Variants in NAPG observed in about 807,000 individuals in gnomAD.
The protein encoded by NAPG is NSF attachment protein gamma.
Under a neutral mutation model 48.4 loss-of-function variants are expected in NAPG, and 25 were observed. The observed-to-expected ratio is 0.52, with a 90% CI of 0.38 to 0.72. The LOEUF (loss-of-function observed/expected upper bound fraction) is 0.72, where lower values mean the gene tolerates loss of function less well. Among genes scored for constraint, NAPG ranks in the 30% least tolerant of loss-of-function variants. The pLI, the probability that NAPG is intolerant of heterozygous loss-of-function variation, is 0.00. For synonymous variants in NAPG, 139 were observed against 127.2 expected (o/e 1.09, Z -0.62); for missense variants, 359 against 372.5 (o/e 0.96, Z 0.30).
At chr18:10,536,980 A>G (rs2143111694) in intron 5 of NAPG, among the ~76,000 whole-genome samples, 1 of 149,724 alleles carries the variant, frequency 6.7e-6, no homozygotes, top group East Asian at 2.0e-4. Context: ...TTTTTGAGAC[A>G]GGATCTTGCT....
rs181963779 is a variant in NAPG at position 10,551,445 on chromosome 18, G to T, written c.*1225G>T. 2 of 152,140 alleles carry T rather than the reference G, an allele frequency of 1.3e-5. No individual in the cohort carries two copies. The highest frequency in any genetic ancestry group is 2.4e-5 in the African/African-American group (1 of 41,416). 9.4% of individuals were successfully genotyped at this position (152,140 alleles called of 1,614,324 possible). A position where few individuals can be genotyped will look rare whatever the true frequency, so the allele number is the denominator to read the frequency against. On this transcript the variant is annotated 3_prime_UTR_variant, in exon 12 of 12. Coordinates refer to ENST00000322897, the MANE Select transcript of NAPG (RefSeq NM_003826.3). ...TTAGAAAGACAATATTTAAAACACC[G>T]CACTGCCAATATATTGATCCTTTAT...
intron 1 of NAPG, among the ~76,000 whole-genome samples, chr18:10,528,215 AAAAG>A (rs1041071896): frequency 6.6e-5 from 10 of 151,426 alleles, no homozygotes; most frequent in Admixed American, 2.6e-4. Flanking sequence ...AAGGAAAAGA[AAAAG>A]AAATGTGGCA....
chr18:10,530,800 A>G lies in NAPG; in HGVS notation c.87A>G (p.Pro29=). 2 of 1,586,450 alleles carry G rather than the reference A, an allele frequency of 1.3e-6. No homozygotes were observed. The highest frequency in any genetic ancestry group is 8.6e-7 in the Non-Finnish European group (1 of 1,167,026). ...YLKTGFLKWK[P]DYDSAASEYG... is the part of the protein sequence containing the mutation. Reference sequence around the variant, plus strand: ...AAACTGGTTTTTTAAAATGGAAGCCAGATTATGACAGTGCCGCTTCTGAAT... The same window carrying G: ...AAACTGGTTTTTTAAAATGGAAGCCGGATTATGACAGTGCCGCTTCTGAAT... Residue 29 remains proline, a synonymous_variant, in exon 2 of 12, where the codon CCA becomes CCG. Transcript: ENST00000322897.
rs189121280 is a variant in NAPG, at chr18:10,548,310, T to C, written c.597T>C (p.Ala199=). ...CTCTTTTGTTTTAGAAAACAATTGC[T>C]CAAGTCTTAGTTCATCTACACAGAA... is the stretch of plus-strand genomic sequence containing the variant. ...NYPTCYKKTI[A]QVLVHLHRND... Residue 199 remains alanine, a synonymous_variant, in exon 10 of 12, where the codon GCT becomes GCC. Coordinates refer to ENST00000322897, the MANE Select transcript of NAPG (RefSeq NM_003826.3). The surrounding 1 kb of genome is among the most constrained non-coding windows in gnomAD (Gnocchi z 4.4). 1.9e-6 allele frequency: 3 copies of C among 1,612,906 alleles called. No individual in the cohort carries two copies. The highest frequency in any genetic ancestry group is 1.7e-5 in the Admixed American group (1 of 60,000).
chr18:10,540,094 T>A, intron 7 of NAPG, 40 bp downstream of exon 7: 2 of 1,452,272 alleles, frequency 1.4e-6, no homozygotes, highest in Non-Finnish European at 1.9e-6. Context: ...TTACTTAGAA[T>A]GTTTAGATTA....
chr18:10,528,651 A>G (rs1481399533), intron 1 of NAPG, among the ~76,000 whole-genome samples: 2 of 152,150 alleles, frequency 1.3e-5, no homozygotes, highest in Non-Finnish European at 2.9e-5. Flanking sequence ...AGGTGCCTGC[A>G]TGTAGAGATG....
chr18:10,549,000 T>C lies in NAPG; in HGVS notation c.699T>C (p.Ala233=). 1 of 1,613,936 alleles carries C rather than the reference T, an allele frequency of 6.2e-7. No individual in the cohort carries two copies. Among genetic ancestry groups the C allele is most frequent in the South Asian group, 1.1e-5 (1 of 91,078 alleles). ...IPGFNGSEDC[A]ALEQLLEGYD... The stretch of plus-strand genomic sequence containing the variant: ...GGTTCAATGGCAGTGAAGACTGTGC[T>C]GCCCTGGAACAGCTTCTTGAAGGTT... The change falls in exon 11 of 12, where the codon GCT becomes GCC. Residue 233 remains alanine (A), a synonymous_variant. Transcript: ENST00000322897. This position sits in a 1 kb window ranked among gnomAD's most constrained non-coding sequence, Gnocchi z 4.4.
rs1312800993 is a variant in NAPG, at chr18:10,534,769, C to G, written c.258+273C>G. 6.6e-6 allele frequency among the ~76,000 whole-genome samples: 1 copy of G among 152,124 alleles called. No homozygotes were observed. The highest frequency in any genetic ancestry group is 1.5e-5 in the Non-Finnish European group (1 of 68,012). On this transcript the variant is annotated intron_variant, in intron 5 of 11. Transcript: ENST00000322897. The surrounding 1 kb of genome is among the most constrained non-coding windows in gnomAD (Gnocchi z 5.0). ...CTATAACCAGGATAGATGTGTATTGCTATAAAAAGAGCTCTATGGGAAGTT... is the reference window on the plus strand; with the variant it reads ...CTATAACCAGGATAGATGTGTATTGGTATAAAAAGAGCTCTATGGGAAGTT...
chr18:10,545,806 A>G (rs1256100895), intron 8 of NAPG, among the ~76,000 whole-genome samples: 2 of 152,254 alleles, frequency 1.3e-5, no homozygotes, highest in Non-Finnish European at 2.9e-5. Context: ...CTGAAGATGC[A>G]GGAAGGCTTT....
intron 1 of NAPG, 82 bp downstream of exon 1, chr18:10,526,240 GGGAGGGA>G: frequency 7.5e-6 from 6 of 796,782 alleles, no homozygotes; most frequent in Non-Finnish European, 1.0e-5. Context: ...CGGGGGGGGC[GGGAGGGA>G]GGGCTCAGGG....
rs1343688949 is a variant in NAPG, at chr18:10,552,755, A to G, written c.*2535A>G. 6.6e-6 allele frequency: 1 copy of G among 152,188 alleles called. No homozygotes were observed. Among genetic ancestry groups the G allele is most frequent in the Non-Finnish European group, 1.5e-5 (1 of 68,030 alleles). 9.4% of individuals were successfully genotyped at this position (152,188 alleles called of 1,614,324 possible). ...GATAATTATGAAAATAAAACCTGAA[A>G]CTATATAAATATAATTGTTCTTTGT... is the stretch of plus-strand genomic sequence containing the variant. On this transcript the variant is annotated 3_prime_UTR_variant, in exon 12 of 12. Transcript: ENST00000322897.
At position 10,543,903 on chromosome 18, in the gene NAPG, G is replaced by C. The variant is rs951913741; in HGVS notation, c.507-2423G>C. Among the ~76,000 whole-genome samples, 10 of 151,992 alleles carry C rather than the reference G, an allele frequency of 6.6e-5. No individual in the cohort carries two copies. Among genetic ancestry groups the C allele is most frequent in the Non-Finnish European group, 1.2e-4 (8 of 67,996 alleles). Reference sequence around the variant, plus strand: ...TTTAGCAAAGTCGATCAACTTTTTCGACTACAAACTCATGTAAGGGCTTGG... The same window carrying C: ...TTTAGCAAAGTCGATCAACTTTTTCCACTACAAACTCATGTAAGGGCTTGG... On this transcript the variant is annotated intron_variant, in intron 8 of 11. Transcript: ENST00000322897. The surrounding 1 kb of genome is among the most constrained non-coding windows in gnomAD (Gnocchi z 4.4).
chr18:10,548,327 T>C lies in NAPG; in HGVS notation c.614T>C (p.Leu205Pro), dbSNP rs577374742. The C allele has an allele frequency of 6.2e-7, 1 of 1,613,770 alleles. No homozygotes were observed. The highest frequency in any genetic ancestry group is 1.3e-5 in the African/African-American group (1 of 75,064). ...KKTIAQVLVH[L>P]HRNDYVAAER... ...ACAATTGCTCAAGTCTTAGTTCATC[T>C]ACACAGAAATGACTATGTAGCTGCA... The change falls in exon 10 of 12, where the codon CTA (leucine) becomes CCA (proline). Residue 205 changes from leucine (L) to proline (P), a missense_variant. Coordinates refer to ENST00000322897, the MANE Select transcript of NAPG (RefSeq NM_003826.3). This position sits in a 1 kb window ranked among gnomAD's most constrained non-coding sequence, Gnocchi z 4.4.
Position 10,526,450 on chromosome 18 carries a change from T to G in NAPG, c.56+292T>G, listed in dbSNP as rs2031813324. 7.1e-6 allele frequency: 3 copies of G among 423,100 alleles called. No homozygotes were observed. The Admixed American group carries it at 1.2e-4, about 18-fold the overall frequency. 26.2% of individuals were successfully genotyped at this position (423,100 alleles called of 1,614,324 possible). A position where few individuals can be genotyped will look rare whatever the true frequency, so the allele number is the denominator to read the frequency against. The stretch of plus-strand genomic sequence containing the variant: ...TGCTGCGGGGCGAGGGCTTCTCTAC[T>G]TGGGCGCTCTGCTCCTGAAGATTGT... On this transcript the variant is annotated intron_variant, in intron 1 of 11. Coordinates refer to ENST00000322897, the MANE Select transcript of NAPG (RefSeq NM_003826.3).
rs1219648406 is a variant in NAPG, at chr18:10,544,186, C to G, written c.507-2140C>G. On this transcript the variant is annotated intron_variant, in intron 8 of 11. Transcript: ENST00000322897. The surrounding 1 kb of genome is among the most constrained non-coding windows in gnomAD (Gnocchi z 5.1). ...TGATACAGATACATGTAGCTGTAGT[C>G]CGCCTTGCATTAATTTTTTATTTCT... Among the ~76,000 whole-genome samples the G allele has an allele frequency of 6.6e-6, 1 of 152,208 alleles. No individual in the cohort carries two copies.
At chr18:10,530,915 A>G (rs907797435) in intron 2 of NAPG, 78 bp downstream of exon 2, 12 of 1,121,698 alleles carry the variant, frequency 1.1e-5, no homozygotes, top group Non-Finnish European at 1.3e-5. Context: ...CATAATACTT[A>G]CTCATATGCT....
chr18:10,526,145 A>G lies in NAPG; in HGVS notation c.43A>G (p.Lys15Glu). 6.2e-7 allele frequency: 1 copy of G among 1,613,572 alleles called. No individual in the cohort carries two copies. The highest frequency in any genetic ancestry group is 1.1e-5 in the South Asian group (1 of 91,074). ...AAACGAGGGGCTGGAACACCTCGCC[A>G]AAGCAGAGAAATAGTGAGTGAGAAC... ...KINEGLEHLAKAEKYLKTGFL... is the reference protein window; with the variant it reads ...KINEGLEHLAEAEKYLKTGFL... The change falls in exon 1 of 12, where the codon AAA becomes GAA. Residue 15 changes from lysine to glutamate, a missense_variant. By Grantham distance (56) the Lys-to-Glu change is moderately conservative. Coordinates refer to ENST00000322897, the MANE Select transcript of NAPG (RefSeq NM_003826.3).
Position 10,540,226 on chromosome 18 carries a change from C to T in NAPG, c.436-103C>T, listed in dbSNP as rs11664051. ...AATGAACTAGCAGCTTTCGTGTTCC[C>T]CCCTTGATCCAGTGCCATTACTTCT... On this transcript the variant is annotated intron_variant, in intron 7 of 11. Coordinates refer to ENST00000322897, the MANE Select transcript of NAPG (RefSeq NM_003826.3). 2,067 of 1,112,006 alleles carry T rather than the reference C, an allele frequency of 1.9e-3. 6 individuals are homozygous for T. The highest frequency in any genetic ancestry group is 2.5e-3 in the Non-Finnish European group (1,921 of 755,060). 68.9% of individuals were successfully genotyped at this position (1,112,006 alleles called of 1,614,324 possible). A position where few individuals can be genotyped will look rare whatever the true frequency, so the allele number is the denominator to read the frequency against.
intron 8 of NAPG, among the ~76,000 whole-genome samples, chr18:10,541,981 C>G (rs1488419388): frequency 6.6e-6 from 1 of 152,192 alleles, no homozygotes; most frequent in African/African-American, 2.4e-5. Flanking sequence ...GTGCATATTC[C>G]TTTAGAAAGC....
Sources: gnomAD v4.1 joint callset for allele counts (sites outside exome capture counted in the v4.1 genomes callset) on GRCh38, gnomAD v4.1.1 for gene constraint, Gnocchi (gnomAD v3.1) non-coding constraint, MANE v1.5 for transcripts, NCBI Gene and HGNC (gene_info 2026-07-23, HGNC 2026-07-21) for gene names.